MAP4K5: variants seen among roughly 807,000 people sequenced by gnomAD.
MAP4K5 encodes MAPK/ERK kinase kinase kinase 5.
A neutral mutation model predicts 135.6 loss-of-function variants in MAP4K5; 82 were observed. That is an observed-to-expected ratio of 0.60 (90% CI 0.51 to 0.73). The LOEUF is 0.73. MAP4K5 is among the 30% of genes least tolerant of loss of function. MAP4K5 has a pLI of 0.00. For synonymous variants in MAP4K5, 347 were observed against 335.0 expected (o/e 1.04, Z -0.39); for missense variants, 907 against 1,010.9 (o/e 0.90, Z 1.39).
At chr14:50,527,168 G>C (rs564691560) in intron 2 of MAP4K5, among the ~76,000 whole-genome samples, 1 of 151,894 alleles carries the variant, frequency 6.6e-6, no homozygotes, top group African/African-American at 2.4e-5. Flanking sequence ...GTGAAACCCC[G>C]TCTCTACTAG....
At chr14:50,421,843 TG>T (rs1247946717) in intron 32 of MAP4K5, among the ~76,000 whole-genome samples, 1 of 151,044 alleles carries the variant, frequency 6.6e-6, no homozygotes, top group Non-Finnish European at 1.5e-5. Flanking sequence ...CTCTCACACT[TG>T]GTTTCATTAA....
rs1438673959 is a variant in MAP4K5, at chr14:50,468,738, T to C, written c.587A>G (p.Asn196Ser). 2 of 1,612,286 alleles carry C rather than the reference T, an allele frequency of 1.2e-6. No individual in the cohort carries two copies. Among genetic ancestry groups the C allele is most frequent in the Non-Finnish European group, 1.7e-6 (2 of 1,179,122 alleles). Reference sequence around the variant, plus strand: ...TACTGCCCAGATATCACAGAGTTGGTTGTAGCCACCATTCTTCTCTACTGC... The same window carrying C: ...TACTGCCCAGATATCACAGAGTTGGCTGTAGCCACCATTCTTCTCTACTGC... ...VAAVEKNGGY[N>S]QLCDIWAVGI... The change falls in exon 10 of 33, where the codon AAC becomes AGC. Residue 196 changes from asparagine to serine, a missense_variant. Physicochemically the swap from Asn to Ser is conservative, Grantham distance 46 (BLOSUM62 1). Transcript: ENST00000682126.
chr14:50,558,252 G>T (rs909926612), intron 1 of MAP4K5, among the ~76,000 whole-genome samples: 5 of 152,218 alleles, frequency 3.3e-5, no homozygotes, highest in African/African-American at 1.2e-4. Flanking sequence ...CCAGCTACTT[G>T]AGAGGCTGAG....
chr14:50,520,465 C>T lies in MAP4K5; in HGVS notation c.108+11477G>A, dbSNP rs370029220. On this transcript the variant is annotated intron_variant, in intron 2 of 32. Transcript: ENST00000682126. ...GTAGTGAGCCGAGATCATGGCACTG[C>T]ATTCCAGCCTGGGCGACAGAGCAAG... Among the ~76,000 whole-genome samples, 18 of 152,262 alleles carry T rather than the reference C, an allele frequency of 1.2e-4. No homozygotes were observed. In the East Asian group the frequency reaches 2.3e-3, roughly 20 times the overall value.
At chr14:50,479,952 G>A (rs541226527) in intron 6 of MAP4K5, among the ~76,000 whole-genome samples, 1 of 152,154 alleles carries the variant, frequency 6.6e-6, no homozygotes, top group Admixed American at 6.5e-5. Context: ...TATTTTTCAG[G>A]CCTCATTGTC....
intron 1 of MAP4K5, among the ~76,000 whole-genome samples, chr14:50,555,562 G>T (rs1029546477): frequency 2.0e-5 from 3 of 152,200 alleles, no homozygotes; most frequent in African/African-American, 7.2e-5. Flanking sequence ...GGGATTACAG[G>T]CATGAGCCAC....
chr14:50,475,158 G>GA lies in MAP4K5; in HGVS notation c.470-10dup, dbSNP rs764446217. ...AGCCACACCAAAGTCAGCTAGTGAGGAAAAAAACAGAAAATTTTAGTTCTT... is the reference window on the plus strand; with the variant it reads ...AGCCACACCAAAGTCAGCTAGTGAGGAAAAAAAACAGAAAATTTTAGTTCTT... On this transcript the variant is annotated splice_polypyrimidine_tract_variant and intron_variant, in intron 8 of 32. Transcript: ENST00000682126. 20 of 1,611,436 alleles carry GA rather than the reference G, an allele frequency of 1.2e-5. No individual in the cohort carries two copies. Among genetic ancestry groups the GA allele is most frequent in the Non-Finnish European group, 1.7e-5 (20 of 1,178,062 alleles).
At chr14:50,532,401 T>G in intron 1 of MAP4K5, 47 bp downstream of exon 1, 2 of 208,894 alleles carry the variant, frequency 9.6e-6, no homozygotes, top group Non-Finnish European at 1.9e-5. Context: ...GCTCCGTACC[T>G]AATGGGGGCG....
upstream of MAP4K5, among the ~76,000 whole-genome samples, chr14:50,537,449 C>T (rs989318300): frequency 6.6e-6 from 1 of 152,204 alleles, no homozygotes; most frequent in African/African-American, 2.4e-5. Context: ...AGCCCCCAGA[C>T]AGAGTTCCTA....
At chr14:50,551,625 A>G (rs2038703813) in intron 1 of MAP4K5, among the ~76,000 whole-genome samples, 1 of 152,192 alleles carries the variant, frequency 6.6e-6, no homozygotes, top group African/African-American at 2.4e-5. Flanking sequence ...AAAAAATTGT[A>G]ACAAAATACT....
At chr14:50,485,735 G>T in intron 4 of MAP4K5, 93 bp from the exon 5 acceptor site, 1 of 742,948 alleles carries the variant, frequency 1.3e-6, no homozygotes, top group Non-Finnish European at 2.2e-6. Flanking sequence ...CCAGGGTTCA[G>T]AATGGACTGT....
At position 50,419,593 on chromosome 14, in the gene MAP4K5, A is replaced by G. The variant is rs559794011; in HGVS notation, c.*426T>C. The G allele has an allele frequency of 6.3e-6, 1 of 159,234 alleles. No individual in the cohort carries two copies. Among genetic ancestry groups the G allele is most frequent in the African/African-American group, 2.4e-5 (1 of 41,662 alleles). The allele number at this position is 159,234 out of a possible 1,614,324, so 9.9% of individuals were successfully genotyped here. ...TACAAAAACATACAGAATGGCCAAT[A>G]TAAAAGTGAAAACCTTGCTTGAGAA... On this transcript the variant is annotated 3_prime_UTR_variant, in exon 33 of 33. Transcript: ENST00000682126.
rs368925590 is a variant in MAP4K5 at position 50,560,315 on chromosome 14, G to T, written c.-180+725C>A. On this transcript the variant is annotated intron_variant, in intron 1 of 8. Transcript: ENST00000555216. Reference sequence around the variant, plus strand: ...AACAGTTGGGGTGAGTAGCAAATGAGAACTTCTGCAGCCTGCACGGGGTCT... The same window carrying T: ...AACAGTTGGGGTGAGTAGCAAATGATAACTTCTGCAGCCTGCACGGGGTCT... 1.4e-5 allele frequency: 22 copies of T among 1,613,528 alleles called. No homozygotes were observed. The African/African-American group carries it at 2.8e-4, about 21-fold the overall frequency.
intron 1 of MAP4K5, chr14:50,559,096 C>T (rs765985320): frequency 5.3e-5 from 8 of 152,174 alleles, no homozygotes; most frequent in Non-Finnish European, 1.2e-4. Flanking sequence ...CAGAAGACTA[C>T]AAGTATAGAT....
intron 26 of MAP4K5, 48 bp downstream of exon 26, chr14:50,437,428 G>A (rs889788328): frequency 7.4e-7 from 1 of 1,356,048 alleles, no homozygotes; most frequent in Non-Finnish European, 1.0e-6. Context: ...TAATTATAAA[G>A]ATGTTAAAAG....
chr14:50,432,027 A>C (rs897970466), intron 28 of MAP4K5, among the ~76,000 whole-genome samples: 4 of 152,350 alleles, frequency 2.6e-5, no homozygotes, highest in Admixed American at 6.5e-5. Context: ...ATATCTACAG[A>C]ATCGATAAAC....
upstream of MAP4K5, chr14:50,533,197 A>G (rs1258391957): frequency 6.6e-6 from 1 of 152,236 alleles, no homozygotes; most frequent in East Asian, 1.9e-4. Flanking sequence ...TGTTGGGCAC[A>G]CGCAGTGTCT....
intron 16 of MAP4K5, 53 bp downstream of exon 16, chr14:50,447,361 C>T: frequency 9.1e-7 from 1 of 1,095,480 alleles, no homozygotes; most frequent in Non-Finnish European, 1.3e-6. Context: ...ATGCCCCATA[C>T]TGTTCTTATG....
chr14:50,445,849 G>C (rs1287798391), intron 17 of MAP4K5, among the ~76,000 whole-genome samples: 1 of 152,114 alleles, frequency 6.6e-6, no homozygotes, highest in Admixed American at 6.6e-5. Context: ...TTATATGCGT[G>C]AGCCACCAAC....
Sources: gnomAD v4.1 joint callset for allele counts (sites outside exome capture counted in the v4.1 genomes callset) on GRCh38, gnomAD v4.1.1 for gene constraint, MANE v1.5 for transcripts, NCBI Gene and HGNC (gene_info 2026-07-23, HGNC 2026-07-21) for gene names.